Variants in CFAP99 observed in about 807,000 individuals in gnomAD.
The protein encoded by CFAP99 is cilia- and flagella-associated protein 99.
CFAP99 carries 84 observed loss-of-function variants against 82.7 expected under a neutral mutation model. The observed-to-expected ratio is 1.02, with a 90% CI of 0.85 to 1.22. The LOEUF is 1.22. Among genes scored for constraint, CFAP99 ranks in the 50% most tolerant of loss-of-function variants. The pLI, the probability that CFAP99 is intolerant of heterozygous loss-of-function variation, is 0.00. For missense variants in CFAP99, 1,059 were observed against 983.5 expected, an observed-to-expected ratio of 1.08 and a Z score of -1.03; for synonymous variants, 456 against 429.5, an observed-to-expected ratio of 1.06 and a Z score of -0.76.
At chr4:2,452,399 C>A in intron 11 of CFAP99, 53 bp downstream of exon 11, 1 of 1,509,914 alleles carries the variant, frequency 6.6e-7, no homozygotes, top group Non-Finnish European at 8.9e-7. Context: ...AACTGTGTGC[C>A]CACCGGGAGC....
intron 2 of CFAP99, among the ~76,000 whole-genome samples, chr4:2,432,826 G>A (rs1733824688): frequency 6.6e-6 from 1 of 152,246 alleles, no homozygotes; most frequent in Non-Finnish European, 1.5e-5. Flanking sequence ...CTCAGTGACT[G>A]AGGCTGGTTC....
intron 1 of CFAP99, among the ~76,000 whole-genome samples, chr4:2,423,324 CGAG>C (rs2108707117): frequency 6.6e-6 from 1 of 152,276 alleles, no homozygotes; most frequent in Admixed American, 6.5e-5. Context: ...GGGACCCTCC[CGAG>C]GAGAGGGGCT....
chr4:2,420,358 G>A (rs892960078), intron 1 of CFAP99, among the ~76,000 whole-genome samples: 3 of 152,048 alleles, frequency 2.0e-5, no homozygotes, highest in African/African-American at 4.8e-5. Flanking sequence ...CCATTTGGAC[G>A]CCTAACAGAT....
At chr4:2,441,062 GATAATA>G (rs150251876) in intron 4 of CFAP99, among the ~76,000 whole-genome samples, 4 of 146,840 alleles carry the variant, frequency 2.7e-5, no homozygotes, top group South Asian at 2.2e-4. Flanking sequence ...CTTCCTAAAT[GATAATA>G]ATAATAATAA....
At chr4:2,436,986 T>C in exon 3 of CFAP99, 1 of 1,536,062 alleles carries the variant, frequency 6.5e-7, no homozygotes, top group Non-Finnish European at 8.7e-7. Flanking sequence ...GATGGCCGAC[T>C]CTGCCTGCGG....
chr4:2,422,004 T>C (rs1304956533), intron 1 of CFAP99, among the ~76,000 whole-genome samples: 1 of 152,148 alleles, frequency 6.6e-6, no homozygotes, highest in Non-Finnish European at 1.5e-5. Flanking sequence ...ATCGAGCCAC[T>C]GCACTCCAGC....
chr4:2,449,599 C>A, intron 6 of CFAP99, 71 bp from the exon 7 acceptor site: 2 of 1,374,490 alleles, frequency 1.5e-6, no homozygotes, highest in South Asian at 1.2e-5. Context: ...AAGCTGTCAG[C>A]CCTGGCATTT....
chr4:2,433,227 A>T (rs1281872981), intron 2 of CFAP99, among the ~76,000 whole-genome samples: 1 of 152,180 alleles, frequency 6.6e-6, no homozygotes, highest in African/African-American at 2.4e-5. Context: ...CTTATGAAAA[A>T]TGCATGCTCA....
At chr4:2,427,497 G>A (rs1733710408) in intron 2 of CFAP99, 1 of 152,570 alleles carries the variant, frequency 6.6e-6, no homozygotes, top group Admixed American at 6.5e-5. Flanking sequence ...CAGGAGCAGG[G>A]AGCGGGCACT....
chr4:2,426,665 G>A (rs1431876598), intron 2 of CFAP99, 79 bp downstream of exon 2: 8 of 911,490 alleles, frequency 8.8e-6, no homozygotes, highest in Non-Finnish European at 1.4e-5. Context: ...AGCATCAAAT[G>A]CCTTCCTAAC....
chr4:2,460,366 T>C, intron 14 of CFAP99, 124 bp downstream of exon 14: 2 of 830,128 alleles, frequency 2.4e-6, no homozygotes, highest in Non-Finnish European at 3.8e-6. Context: ...GAAGTTCCCT[T>C]GCCGTAACTC....
intron 11 of CFAP99, among the ~76,000 whole-genome samples, chr4:2,453,956 G>T (rs1475090871): frequency 6.6e-6 from 1 of 151,082 alleles, no homozygotes; most frequent in Non-Finnish European, 1.5e-5. Context: ...TGGGACTACA[G>T]GCGAGCACCA....
At chr4:2,461,545 C>G (rs1227594388) in intron 14 of CFAP99, among the ~76,000 whole-genome samples, 1 of 152,228 alleles carries the variant, frequency 6.6e-6, no homozygotes, top group Non-Finnish European at 1.5e-5. Context: ...CACACCTGGA[C>G]AGCTCATCAC....
chr4:2,426,423 G>T, intron 1 of CFAP99, 36 bp from the exon 2 acceptor site: 2 of 1,328,186 alleles, frequency 1.5e-6, no homozygotes, highest in Non-Finnish European at 2.1e-6. Context: ...CTACATCCCA[G>T]GTGTGGAGGG....
At chr4:2,427,429 C>A (rs1733707658) in intron 2 of CFAP99, 1 of 152,648 alleles carries the variant, frequency 6.6e-6, no homozygotes, top group African/African-American at 2.4e-5. Context: ...GGAAGCTGAG[C>A]CCACCAGGGG....
chr4:2,444,944 G>C (rs1390310580), intron 5 of CFAP99, among the ~76,000 whole-genome samples, 187 bp from the exon 6 acceptor site: 1 of 152,164 alleles, frequency 6.6e-6, no homozygotes, highest in Non-Finnish European at 1.5e-5. Context: ...TGTTTCAGGG[G>C]TTTAGTTGAC....
rs147718090 is a variant in CFAP99 at position 2,458,127 on chromosome 4, G to A, written c.1162-596G>A. Among the ~76,000 whole-genome samples the A allele has an allele frequency of 6.1e-3, 936 of 152,306 alleles. 11 individuals are homozygous for A. Among genetic ancestry groups the A allele is most frequent in the African/African-American group, 0.021 (890 of 41,554 alleles). On this transcript the variant is annotated intron_variant, in intron 11 of 14. Transcript: ENST00000635017. ...CCGTCTCCCTGTGCCATGGTCTGAC[G>A]CTGTGGCTGCGCGGGGAGGGCCGGT...
At chr4:2,435,845 A>T (rs1435156754) in intron 2 of CFAP99, among the ~76,000 whole-genome samples, 2 of 148,872 alleles carry the variant, frequency 1.3e-5, no homozygotes, top group African/African-American at 2.5e-5. Flanking sequence ...GCAGCTACTC[A>T]GGAGGCCGAG....
chr4:2,459,255 C>T (rs1229907733), exon 13 of CFAP99: 3 of 1,532,358 alleles, frequency 2.0e-6, no homozygotes, highest in African/African-American at 1.4e-5. Flanking sequence ...TGGACCTGAC[C>T]CAGGTGAGGA....
Sources: allele counts gnomAD v4.1 joint callset (sites outside exome capture counted in the v4.1 genomes callset), GRCh38; gene constraint gnomAD v4.1.1; transcripts MANE v1.5; gene names NCBI Gene and HGNC (gene_info 2026-07-23, HGNC 2026-07-21).